Variants in LRRTM4 observed in about 807,000 individuals in gnomAD.
The protein encoded by LRRTM4 is leucine-rich repeat transmembrane neuronal protein 4.
In LRRTM4, 25 loss-of-function variants were observed where a neutral mutation model predicts 47.6. That is an observed-to-expected ratio of 0.53 (90% CI 0.38 to 0.73). The LOEUF is 0.73. LRRTM4 is among the 30% of genes least tolerant of loss of function. The pLI is 0.00. For synonymous variants in LRRTM4, 311 were observed against 269.5 expected (o/e 1.15, Z -1.51); for missense variants, 638 against 713.4 (o/e 0.89, Z 1.20).
intron 3 of LRRTM4, among the ~76,000 whole-genome samples, chr2:76,973,111 T>C (rs1243125441): frequency 6.6e-6 from 1 of 151,778 alleles, no homozygotes; most frequent in Non-Finnish European, 1.5e-5. Flanking sequence ...AAGTAAGATA[T>C]AAATTAATTT....
At chr2:76,768,858 G>A (rs1218034804) in intron 3 of LRRTM4, among the ~76,000 whole-genome samples, 1 of 152,116 alleles carries the variant, frequency 6.6e-6, no homozygotes, top group African/African-American at 2.4e-5. Flanking sequence ...ATGATTTGGA[G>A]AGATTAATTG....
chr2:77,387,907 C>A (rs1479060469), intron 3 of LRRTM4, among the ~76,000 whole-genome samples: 2 of 151,964 alleles, frequency 1.3e-5, no homozygotes, highest in East Asian at 3.9e-4. Flanking sequence ...CATTCCACTT[C>A]ATTGATAGTA....
chr2:77,297,541 A>T lies in LRRTM4; in HGVS notation c.1551+220777T>A, dbSNP rs1472499888. Among the ~76,000 whole-genome samples, 4 of 152,258 alleles carry T rather than the reference A, an allele frequency of 2.6e-5. No homozygotes were observed. The East Asian group carries it at 5.8e-4, about 22-fold the overall frequency. On this transcript the variant is annotated intron_variant, in intron 3 of 3. Transcript: ENST00000409884. Reference sequence around the variant, plus strand: ...CATCTTCCTCATGCGTGAGCTAGCCAATGTTTTCTTCTTTATTTCTATGCC... The same window carrying T: ...CATCTTCCTCATGCGTGAGCTAGCCTATGTTTTCTTCTTTATTTCTATGCC...
chr2:77,100,855 T>G (rs1036858156), intron 3 of LRRTM4, among the ~76,000 whole-genome samples: 3 of 150,742 alleles, frequency 2.0e-5, no homozygotes, highest in African/African-American at 7.3e-5. Flanking sequence ...TCTTTTTTTT[T>G]TTTTTTTTTT....
chr2:76,992,926 A>C (rs1170258580), intron 3 of LRRTM4, among the ~76,000 whole-genome samples: 1 of 151,844 alleles, frequency 6.6e-6, no homozygotes, highest in African/African-American at 2.4e-5. Context: ...AAAGAGAGAC[A>C]CTTAAACCAA....
At position 77,411,453 on chromosome 2, in the gene LRRTM4, T is replaced by TC. The variant is rs202131293; in HGVS notation, c.1551+106864_1551+106865insG. Among the ~76,000 whole-genome samples the TC allele has an allele frequency of 4.3e-3, 449 of 103,926 alleles. 10 individuals carry two copies. The highest frequency in any genetic ancestry group is 0.021 in the African/African-American group (424 of 20,052). The allele number at this position is 103,926 out of a possible 152,430, so 68.2% of individuals were successfully genotyped here. ...CTCTCTCTCTCTCTCTCTTTCTTCT[T>TC]TTTTTTTTTTTTTTTTTGAGACGGA... is the stretch of plus-strand genomic sequence containing the variant. On this transcript the variant is annotated intron_variant, in intron 3 of 3. Transcript: ENST00000409884.
chr2:77,068,833 C>A (rs1321055827), intron 3 of LRRTM4, among the ~76,000 whole-genome samples: 1 of 152,168 alleles, frequency 6.6e-6, no homozygotes, highest in Non-Finnish European at 1.5e-5. Flanking sequence ...GGCCATAAGG[C>A]CTACGCTGGA....
intron 3 of LRRTM4, among the ~76,000 whole-genome samples, chr2:77,374,982 G>A (rs1046865761): frequency 2.0e-5 from 3 of 151,444 alleles, no homozygotes; most frequent in Non-Finnish European, 4.4e-5. Context: ...ATTTCTTCTA[G>A]TCTTCTAAGC....
At chr2:77,520,445 G>T (rs553507950) in intron 2 of LRRTM4, among the ~76,000 whole-genome samples, 49 of 152,144 alleles carry the variant, frequency 3.2e-4, no homozygotes, top group Middle Eastern at 3.4e-3. Context: ...ACTAGTATAG[G>T]CAGCCAATGA....
intron 3 of LRRTM4, among the ~76,000 whole-genome samples, chr2:76,787,815 A>ATCAACTG (rs1674760772): frequency 1.3e-5 from 2 of 152,230 alleles, no homozygotes; most frequent in Admixed American, 1.3e-4. Flanking sequence ...TCCAAGGAAA[A>ATCAACTG]AGCCAGTTTC....
intron 3 of LRRTM4, among the ~76,000 whole-genome samples, chr2:77,137,819 G>A (rs546596669): frequency 2.6e-5 from 4 of 152,054 alleles, no homozygotes; most frequent in Admixed American, 6.5e-5. Context: ...GGCAGGATTT[G>A]CAATCCTAGT....
Position 77,518,380 on chromosome 2 carries a change from C to T in LRRTM4, c.1489G>A (p.Asp497Asn), listed in dbSNP as rs1480832253. 2 of 1,612,876 alleles carry T rather than the reference C, an allele frequency of 1.2e-6. No individual in the cohort carries two copies. Among genetic ancestry groups the T allele is most frequent in the East Asian group, 2.2e-5 (1 of 44,802 alleles). ...DYKPTNSETMDISVNGSGPCT... is the reference protein window; with the variant it reads ...DYKPTNSETMNISVNGSGPCT... ...GGCCCAGATCCATTAACCGATATAT[C>T]CATGGTCTCAGAGTTTGTAGGCTTG... Residue 497 changes from aspartate (D) to asparagine (N), a missense_variant, in exon 3 of 4, where the codon GAT becomes AAT. By Grantham distance (23) the Asp-to-Asn change is conservative (BLOSUM62 1). Transcript: ENST00000409884.
intron 3 of LRRTM4, among the ~76,000 whole-genome samples, chr2:77,453,262 A>C (rs542832453): frequency 6.7e-6 from 1 of 148,548 alleles, no homozygotes; most frequent in Non-Finnish European, 1.5e-5. Context: ...GTTCACTGCA[A>C]GCTCCGCCTC....
At chr2:77,414,615 C>A (rs1006608907) in intron 3 of LRRTM4, among the ~76,000 whole-genome samples, 3 of 152,170 alleles carry the variant, frequency 2.0e-5, no homozygotes, top group African/African-American at 7.2e-5. Flanking sequence ...AACGGATGTG[C>A]TTTTTCCTAC....
At chr2:77,339,093 C>CA (rs1349831221) in intron 3 of LRRTM4, among the ~76,000 whole-genome samples, 2 of 151,370 alleles carry the variant, frequency 1.3e-5, no homozygotes, top group East Asian at 3.9e-4. Context: ...ACAGGGACTC[C>CA]AAAAAGAGGG....
intron 3 of LRRTM4, among the ~76,000 whole-genome samples, chr2:77,478,872 CT>C (rs1419291907): frequency 6.6e-6 from 1 of 152,100 alleles, no homozygotes; most frequent in African/African-American, 2.4e-5. Context: ...AATGATCTTT[CT>C]GTAATTCAGT....
chr2:76,827,946 A>G (rs1671233630), intron 3 of LRRTM4, among the ~76,000 whole-genome samples: 2 of 151,940 alleles, frequency 1.3e-5, no homozygotes, highest in African/African-American at 2.4e-5. Context: ...GAAATGAAAT[A>G]ATAATTTTCA....
At chr2:76,882,364 A>G (rs1374990387) in intron 3 of LRRTM4, among the ~76,000 whole-genome samples, 1 of 151,946 alleles carries the variant, frequency 6.6e-6, no homozygotes, top group African/African-American at 2.4e-5. Context: ...ATGAGAGCAC[A>G]TTCTTGCTCT....
At chr2:77,492,819 A>G (rs2104050588) in intron 3 of LRRTM4, among the ~76,000 whole-genome samples, 1 of 152,280 alleles carries the variant, frequency 6.6e-6, no homozygotes, top group African/African-American at 2.4e-5. Context: ...TATTATCATT[A>G]GGATAGTTAA....
Sources: gnomAD v4.1 joint callset for allele counts (sites outside exome capture counted in the v4.1 genomes callset) on GRCh38, gnomAD v4.1.1 for gene constraint, MANE v1.5 for transcripts, NCBI Gene and HGNC (gene_info 2026-07-23, HGNC 2026-07-21) for gene names.